The following FERMT1 variants were observed in gnomAD, a reference collection of about 807,000 sequenced individuals.
The protein encoded by FERMT1 is FERM domain containing kindlin 1.
Under a neutral mutation model 85.3 loss-of-function variants are expected in FERMT1, and 60 were observed. That is an observed-to-expected ratio of 0.70 (90% CI 0.57 to 0.87). The LOEUF (loss-of-function observed/expected upper bound fraction) is 0.87. FERMT1 is among the 40% of genes least tolerant of loss of function. The probability of loss-of-function intolerance (pLI) is 0.00; values close to 1 mark genes in which losing one functional copy is unlikely to be tolerated. For missense variants in FERMT1, 701 were observed against 818.9 expected (o/e 0.86, Z 1.76); for synonymous variants, 275 against 301.1 (o/e 0.91, Z 0.90).
intron 13 of FERMT1, among the ~76,000 whole-genome samples, chr20:6,081,216 T>C (rs1378504864): frequency 2.6e-5 from 4 of 151,026 alleles, no homozygotes; most frequent in Non-Finnish European, 4.4e-5. Flanking sequence ...TTTGAGGTTA[T>C]AGTGAGCCAT....
At chr20:6,080,858 G>C (rs143798519) in intron 13 of FERMT1, among the ~76,000 whole-genome samples, 2 of 152,308 alleles carry the variant, frequency 1.3e-5, no homozygotes, top group Non-Finnish European at 2.9e-5. Flanking sequence ...AGGGTCACTG[G>C]ATTTATGAAT....
intron 6 of FERMT1, among the ~76,000 whole-genome samples, chr20:6,106,469 G>A (rs886434505): frequency 2.6e-5 from 4 of 152,176 alleles, no homozygotes; most frequent in African/African-American, 9.7e-5. Context: ...CCAAGTGTCT[G>A]GCAGTAAATG....
At chr20:6,087,517 G>A (rs113062627) in intron 11 of FERMT1, 1 of 425,376 alleles carries the variant, frequency 2.4e-6, no homozygotes, top group East Asian at 5.8e-5. Flanking sequence ...CACCATATTG[G>A]CCAGACTGGT....
intron 6 of FERMT1, among the ~76,000 whole-genome samples, chr20:6,100,884 TAATA>T (rs923186573): frequency 2.0e-5 from 3 of 152,158 alleles, no homozygotes; most frequent in East Asian, 1.9e-4. Context: ...AAAAAGTTTG[TAATA>T]AATATAAAAA....
At chr20:6,094,159 C>T (rs1982439782) in intron 9 of FERMT1, 1 of 152,194 alleles carries the variant, frequency 6.6e-6, no homozygotes, top group Non-Finnish European at 1.5e-5. Flanking sequence ...TCAAAAGCAA[C>T]TTGTGTTTCC....
chr20:6,102,690 AAAAAAAAAAAAG>A (rs1215958716), intron 6 of FERMT1, among the ~76,000 whole-genome samples: 47 of 145,952 alleles, frequency 3.2e-4, no homozygotes, highest in East Asian at 4.2e-4. Flanking sequence ...AAAAAAAAAA[AAAAAAAAAAAAG>A]AAAAGAAAAT....
Position 6,079,557 on chromosome 20 carries a change from T to A in FERMT1, c.1739A>T (p.Asp580Val). 1 of 1,614,056 alleles carries A rather than the reference T, an allele frequency of 6.2e-7. No homozygotes were observed. The highest frequency in any genetic ancestry group is 8.5e-7 in the Non-Finnish European group (1 of 1,179,908). Residue 580 changes from aspartate to valine, a missense_variant, in exon 14 of 15, where the codon GAT (aspartate) becomes GTT (valine). By Grantham distance (152) the Asp-to-Val change is radical (BLOSUM62 -3). Coordinates refer to ENST00000217289, the MANE Select transcript of FERMT1 (RefSeq NM_017671.5). The part of the protein sequence containing the change: ...YLVRFKGSKK[D>V]DILGVSYNRL... ...GTTATATGAAACTCCCAGAATGTCA[T>A]CTTTTTTGCTTCCTTTAAATCTGAA...
chr20:6,113,513 C>T (rs902230444), intron 3 of FERMT1, among the ~76,000 whole-genome samples: 3 of 152,184 alleles, frequency 2.0e-5, no homozygotes, highest in Non-Finnish European at 4.4e-5. Flanking sequence ...TGGTGACACC[C>T]TCATGCCCTG....
chr20:6,118,942 C>G (rs1049851697), intron 2 of FERMT1, among the ~76,000 whole-genome samples: 1 of 150,312 alleles, frequency 6.7e-6, no homozygotes, highest in African/African-American at 2.5e-5. Flanking sequence ...ACCAAAGACT[C>G]AAGGTTTTTT....
At chr20:6,109,305 T>C (rs7268391) in intron 5 of FERMT1, among the ~76,000 whole-genome samples, 14,757 of 152,086 alleles carry the variant, frequency 0.097, 764 homozygotes, top group African/African-American at 0.12. Context: ...CAGCATGTGG[T>C]TGGGCCTTAA....
intron 5 of FERMT1, among the ~76,000 whole-genome samples, chr20:6,109,295 C>T (rs906149948): frequency 5.3e-5 from 8 of 152,130 alleles, no homozygotes; most frequent in African/African-American, 1.9e-4. Flanking sequence ...GAGCAGGAGA[C>T]AGCATGTGGT....
rs201129798 is a variant in FERMT1, at chr20:6,115,873, C to G, written c.323G>C (p.Arg108Thr). 1.4e-4 allele frequency: 220 copies of G among 1,614,144 alleles called. No homozygotes were observed. The highest frequency in any genetic ancestry group is 5.3e-4 in the Admixed American group (32 of 60,016). Residue 108 changes from arginine to threonine, a missense_variant, in exon 3 of 15, where the codon AGG becomes ACG. Physicochemically the swap from Arg to Thr is moderately conservative, Grantham distance 71. Coordinates refer to ENST00000217289, the MANE Select transcript of FERMT1 (RefSeq NM_017671.5). ...RLRLPNLKMV[R>T]LRVSFSAVVF... ...CACAGCTGAGAAGCTGACTCGCAAC[C>G]TCACCATCTTCAAATTCGGCAGACG...
chr20:6,113,710 C>T (rs1199894521), intron 3 of FERMT1, among the ~76,000 whole-genome samples: 1 of 152,204 alleles, frequency 6.6e-6, no homozygotes, highest in Admixed American at 6.5e-5. Context: ...GCTGCATAAA[C>T]ATCCTTACCC....
At position 6,104,696 on chromosome 20, in the gene FERMT1, C is replaced by G. The variant is rs1235874637; in HGVS notation, c.849+2836G>C. Among the ~76,000 whole-genome samples, 1 of 152,152 alleles carries G rather than the reference C, an allele frequency of 6.6e-6. No homozygotes were observed. The highest frequency in any genetic ancestry group is 1.5e-5 in the Non-Finnish European group (1 of 68,022). On this transcript the variant is annotated intron_variant, in intron 6 of 14. Coordinates refer to ENST00000217289, the MANE Select transcript of FERMT1 (RefSeq NM_017671.5). This position sits in a 1 kb window ranked among gnomAD's most constrained non-coding sequence, Gnocchi z 4.2. ...AATTAAGCGGGCAGAGGCTGGAGGC[C>G]AAAGAGCCAGAGACAACAGCCCTTG... is the stretch of plus-strand genomic sequence containing the variant.
At chr20:6,116,343 A>AAGTTC (rs1983100077) in intron 2 of FERMT1, among the ~76,000 whole-genome samples, 4 of 152,212 alleles carry the variant, frequency 2.6e-5, no homozygotes, top group Non-Finnish European at 1.5e-5. Flanking sequence ...TGTTCTGCAC[A>AAGTTC]TGTATCCCAG....
chr20:6,114,024 T>C (rs1007681746), intron 3 of FERMT1, among the ~76,000 whole-genome samples: 5 of 152,244 alleles, frequency 3.3e-5, no homozygotes. Context: ...TTTGGACTTT[T>C]AGTTTCTGAG....
At position 6,116,015 on chromosome 20, in the gene FERMT1, G is replaced by A. The variant is rs754978561; in HGVS notation, c.181C>T (p.Leu61Phe). The A allele has an allele frequency of 3.1e-6, 5 of 1,613,976 alleles. No individual in the cohort carries two copies. In the Admixed American group the frequency reaches 6.7e-5, roughly 22 times the overall value. The change falls in exon 3 of 15, where the codon CTT (leucine) becomes TTT (phenylalanine). Residue 61 changes from leucine to phenylalanine, a missense_variant. Leu to Phe is a conservative substitution (Grantham distance 22). Transcript: ENST00000217289. Reference sequence around the variant, plus strand: ...CAGCAATGCTTCTGTTCCCACCAAAGAGCAAAGTCTGACCAGTCTTGGGAT... The same window carrying A: ...CAGCAATGCTTCTGTTCCCACCAAAAAGCAAAGTCTGACCAGTCTTGGGAT... ...NISQDWSDFALWWEQKHCWLL... is the reference protein window; with the variant it reads ...NISQDWSDFAFWWEQKHCWLL...
At chr20:6,109,826 A>AG (rs1383655465) in intron 5 of FERMT1, among the ~76,000 whole-genome samples, 2 of 148,800 alleles carry the variant, frequency 1.3e-5, no homozygotes, top group Non-Finnish European at 3.0e-5. Context: ...GCTTGAACCC[A>AG]GGGGGGCAGA....
chr20:6,110,263 A>G lies in FERMT1; in HGVS notation c.746+35T>C, dbSNP rs189281963. The stretch of plus-strand genomic sequence containing the variant: ...TCCCATCTCTTACTGTGTCGGCACT[A>G]GCTCAGAGAGAAGTAAAAGGAGCCG... On this transcript the variant is annotated intron_variant, in intron 5 of 14. Coordinates refer to ENST00000217289, the MANE Select transcript of FERMT1 (RefSeq NM_017671.5). 12,836 of 1,538,262 alleles carry G rather than the reference A, an allele frequency of 8.3e-3. 80 individuals are homozygous for G. The highest frequency in any genetic ancestry group is 0.01 in the Non-Finnish European group (11,377 of 1,113,656).
Sources: allele counts gnomAD v4.1 joint callset (sites outside exome capture counted in the v4.1 genomes callset), GRCh38; gene constraint gnomAD v4.1.1; non-coding constraint Gnocchi (gnomAD v3.1); transcripts MANE v1.5; gene names NCBI Gene and HGNC (gene_info 2026-07-23, HGNC 2026-07-21).